The following FBXO21 variants were observed in gnomAD, a reference collection of about 807,000 sequenced individuals.
FBXO21 encodes the protein F-box only protein 21.
A neutral mutation model predicts 76.6 loss-of-function variants in FBXO21; 32 were observed. The observed-to-expected ratio is 0.42, with a 90% CI of 0.32 to 0.56. FBXO21 has a LOEUF of 0.56. FBXO21 is among the 20% of genes least tolerant of loss of function. The pLI is 0.16. For missense variants in FBXO21, 586 were observed against 797.3 expected (o/e 0.73, Z 3.19); for synonymous variants, 328 against 311.5 (o/e 1.05, Z -0.56).
intron 3 of FBXO21, among the ~76,000 whole-genome samples, chr12:117,180,405 A>G (rs1956215952): frequency 6.6e-6 from 1 of 152,202 alleles, no homozygotes; most frequent in Admixed American, 6.5e-5. Context: ...TAAATATAAA[A>G]TACCTTTTGA....
intron 7 of FBXO21, among the ~76,000 whole-genome samples, chr12:117,170,072 T>C (rs1299929691): frequency 7.0e-6 from 1 of 143,174 alleles, no homozygotes; most frequent in Non-Finnish European, 1.5e-5. Context: ...AAACTGTATC[T>C]AGATAGCAAC....
At chr12:117,155,659 A>G (rs1331802601) in intron 11 of FBXO21, 132 bp downstream of exon 11, 3 of 1,011,884 alleles carry the variant, frequency 3.0e-6, no homozygotes, top group Non-Finnish European at 4.3e-6. Context: ...GGCCCGAAGG[A>G]GGCCGGCCAT....
At chr12:117,166,351 A>G (rs1331351939) in intron 8 of FBXO21, among the ~76,000 whole-genome samples, 1 of 152,214 alleles carries the variant, frequency 6.6e-6, no homozygotes, top group African/African-American at 2.4e-5. Context: ...CTCAGTGATA[A>G]TGATGCGTCA....
chr12:117,182,750 G>A (rs1208658505), intron 3 of FBXO21, among the ~76,000 whole-genome samples: 1 of 151,312 alleles, frequency 6.6e-6, no homozygotes, highest in Admixed American at 6.6e-5. Flanking sequence ...TTTAGTAGAG[G>A]CAGGGTTTTA....
chr12:117,155,984 A>G lies in FBXO21; in HGVS notation c.1518-36T>C, dbSNP rs181286097. On this transcript the variant is annotated intron_variant, in intron 10 of 11. Transcript: ENST00000622495. ...CAGGAGGAGCAGTCAGTCCCTGCAG[A>G]CCCGGCCGCAACAACCTCCAGACAA... 9 of 1,601,698 alleles carry G rather than the reference A, an allele frequency of 5.6e-6. No individual in the cohort carries two copies. The Admixed American group carries it at 8.4e-5, about 15-fold the overall frequency.
In FBXO21 at chr12:117,157,695, G is replaced by A. The variant is rs1955932254; in HGVS notation, c.1517+178C>T. ...TAAAAAACACAAAGGTCAAAGACAC[G>A]GTTCAAAAAGAAAAAAAAAGAGGTT... On this transcript the variant is annotated intron_variant, in intron 10 of 11. Coordinates refer to ENST00000622495, the MANE Select transcript of FBXO21 (RefSeq NM_015002.3). Among the ~76,000 whole-genome samples, 4 of 151,334 alleles carry A rather than the reference G, an allele frequency of 2.6e-5. 1 individual carries two copies. Among genetic ancestry groups the A allele is most frequent in the South Asian group, 4.2e-4 (2 of 4,714 alleles).
At chr12:117,149,132 A>C (rs1955811156) in intron 11 of FBXO21, among the ~76,000 whole-genome samples, 1 of 152,140 alleles carries the variant, frequency 6.6e-6, no homozygotes, top group African/African-American at 2.4e-5. Context: ...TGGTATCTTA[A>C]CCAGGCCACC....
intron 4 of FBXO21, 75 bp from the exon 5 acceptor site, chr12:117,174,872 C>T: frequency 3.4e-6 from 5 of 1,462,858 alleles, no homozygotes; most frequent in East Asian, 2.3e-5. Flanking sequence ...TTACCCTGGA[C>T]ATCCTGGGAC....
Position 117,177,548 on chromosome 12 carries a change from C to A in FBXO21, c.564G>T (p.Gln188His). The A allele has an allele frequency of 1.2e-6, 2 of 1,613,742 alleles. No homozygotes were observed. The highest frequency in any genetic ancestry group is 1.7e-6 in the Non-Finnish European group (2 of 1,179,770). Residue 188 changes from glutamine (Q) to histidine (H), a missense_variant, in exon 4 of 12, where the codon CAG becomes CAT. Coordinates refer to ENST00000622495, the MANE Select transcript of FBXO21 (RefSeq NM_015002.3). ...ILNNLKAFLQQPDDYESYLEG... is the reference protein window; with the variant it reads ...ILNNLKAFLQHPDDYESYLEG... Reference sequence around the variant, plus strand: ...CAAGATACGACTCATAGTCATCTGGCTGCTGAAGAAAGGCCTTAAGATTAT... The same window carrying A: ...CAAGATACGACTCATAGTCATCTGGATGCTGAAGAAAGGCCTTAAGATTAT...
At chr12:117,179,050 G>C (rs1200446934) in intron 3 of FBXO21, among the ~76,000 whole-genome samples, 1 of 152,202 alleles carries the variant, frequency 6.6e-6, no homozygotes, top group Non-Finnish European at 1.5e-5. Context: ...AAGCAGGAGA[G>C]AGACAGTGAT....
chr12:117,166,845 G>A (rs1956058830), intron 8 of FBXO21, 53 bp downstream of exon 8: 1 of 1,495,102 alleles, frequency 6.7e-7, no homozygotes. Flanking sequence ...CACAATTCAA[G>A]CCTCTAAAGA....
chr12:117,190,156 GC>G (rs1956329996), intron 1 of FBXO21, 61 bp downstream of exon 1: 1 of 929,098 alleles, frequency 1.1e-6, no homozygotes, highest in African/African-American at 1.8e-5. Context: ...CGGGGCGGCT[GC>G]CCGGCCCCGG....
Position 117,143,072 on chromosome 12 carries a change from G to T in FBXO21, c.*3015C>A, listed in dbSNP as rs1593050990. ...AAGCCGGCCTTTCAAAATCTGATTA[G>T]GTGGATAATGTTTGCAAACATGACG... On this transcript the variant is annotated 3_prime_UTR_variant, in exon 12 of 12. Coordinates refer to ENST00000622495, the MANE Select transcript of FBXO21 (RefSeq NM_015002.3). The T allele has an allele frequency of 1.3e-5, 2 of 152,204 alleles. No individual in the cohort carries two copies. Among genetic ancestry groups the T allele is most frequent in the African/African-American group, 4.8e-5 (2 of 41,438 alleles). 9.4% of individuals were successfully genotyped at this position (152,204 alleles called of 1,614,324 possible).
rs953669384 is a variant in FBXO21 at position 117,142,588 on chromosome 12, A to G, written c.*3499T>C. ...TAGCATGCCACACAAAATAATACGT[A>G]CAGTACAGCTATTCACGTCTCCAAA... On this transcript the variant is annotated 3_prime_UTR_variant, in exon 12 of 12. Coordinates refer to ENST00000622495, the MANE Select transcript of FBXO21 (RefSeq NM_015002.3). The G allele has an allele frequency of 6.6e-6, 1 of 150,986 alleles. No homozygotes were observed. Among genetic ancestry groups the G allele is most frequent in the African/African-American group, 2.4e-5 (1 of 40,990 alleles). The allele number at this position is 150,986 out of a possible 1,614,324, so 9.4% of individuals were successfully genotyped here.
Position 117,151,060 on chromosome 12 carries a change from T to C in FBXO21, c.1675+4731A>G, listed in dbSNP as rs556122127. ...GAGTTTGGAAGCATCAAATAAGTTA[T>C]GGAAAAGGGAACCAACGTTTGTCGA... On this transcript the variant is annotated intron_variant, in intron 11 of 11. Transcript: ENST00000622495. Among the ~76,000 whole-genome samples the C allele has an allele frequency of 9.2e-5, 14 of 151,758 alleles. No homozygotes were observed. The South Asian group carries it at 1.2e-3, about 14-fold the overall frequency.
At chr12:117,184,221 C>T (rs568073151) in intron 3 of FBXO21, among the ~76,000 whole-genome samples, 45 of 152,082 alleles carry the variant, frequency 3.0e-4, no homozygotes, top group Non-Finnish European at 4.3e-4. Context: ...CCACCCCCAA[C>T]AAAAATACTT....
chr12:117,184,672 G>A (rs561820260), intron 3 of FBXO21, among the ~76,000 whole-genome samples: 62 of 152,254 alleles, frequency 4.1e-4, no homozygotes, highest in African/African-American at 1.5e-3. Context: ...ACAATCTCTT[G>A]GACCCAGGAG....
rs553858978 is a variant in FBXO21 at position 117,144,395 on chromosome 12, A to T, written c.*1692T>A. 9.2e-5 allele frequency: 14 copies of T among 152,316 alleles called. No individual in the cohort carries two copies. The highest frequency in any genetic ancestry group is 1.6e-4 in the Non-Finnish European group (11 of 68,030). The allele number at this position is 152,316 out of a possible 1,614,324, so 9.4% of individuals were successfully genotyped here. A position where few individuals can be genotyped will look rare whatever the true frequency, so the allele number is the denominator to read the frequency against. ...TGGATTTGACTGATGAGGAACATGGACAGTGGATTAAATAGCTCATTCAGG... is the reference window on the plus strand; with the variant it reads ...TGGATTTGACTGATGAGGAACATGGTCAGTGGATTAAATAGCTCATTCAGG... On this transcript the variant is annotated 3_prime_UTR_variant, in exon 12 of 12. Coordinates refer to ENST00000622495, the MANE Select transcript of FBXO21 (RefSeq NM_015002.3).
At chr12:117,188,002 AGTTCAAATTTTC>A (rs1956301071) in intron 2 of FBXO21, among the ~76,000 whole-genome samples, 1 of 152,246 alleles carries the variant, frequency 6.6e-6, no homozygotes, top group Admixed American at 6.5e-5. Flanking sequence ...ATTTGTCCAA[AGTTCAAATTTTC>A]CCTTTCAAAA....
Sources: allele counts gnomAD v4.1 joint callset (sites outside exome capture counted in the v4.1 genomes callset), GRCh38; gene constraint gnomAD v4.1.1; transcripts MANE v1.5; gene names NCBI Gene and HGNC (gene_info 2026-07-23, HGNC 2026-07-21).